The following CD46 variants were observed in gnomAD, a reference collection of about 807,000 sequenced individuals.
CD46 encodes CD46 molecule.
A neutral mutation model predicts 53.3 loss-of-function variants in CD46; 30 were observed. The ratio of observed to expected loss-of-function variants is 0.56; its 90% confidence interval spans 0.42 to 0.76. The LOEUF (loss-of-function observed/expected upper bound fraction) is 0.76. Ranked by LOEUF, CD46 falls within the 30% of genes least tolerant of loss-of-function variation. The pLI, the probability that CD46 is intolerant of heterozygous loss-of-function variation, is 0.00. For synonymous variants in CD46, 142 were observed against 152.0 expected (o/e 0.93, Z 0.48); for missense variants, 409 against 463.0 (o/e 0.88, Z 1.07).
chr1:207,792,394 AAGTAT>A lies in CD46; in HGVS notation c.*42-1120_*42-1116del, dbSNP rs926156900. ...AGTCCTTAGGGAACTGCAATATTAT[AAGTAT>A]AGTAATGACGCAGTAGAGAACCATA... On this transcript the variant is annotated intron_variant, in intron 12 of 12. Transcript: ENST00000367042. Among the ~76,000 whole-genome samples the A allele has an allele frequency of 1.6e-3, 241 of 152,316 alleles. 1 individual carries two copies. Among genetic ancestry groups the A allele is most frequent in the African/African-American group, 5.6e-3 (234 of 41,566 alleles).
At chr1:207,791,827 A>AATATTTT (rs1659825751) in intron 12 of CD46, among the ~76,000 whole-genome samples, 1 of 152,216 alleles carries the variant, frequency 6.6e-6, no homozygotes, top group Admixed American at 6.5e-5. Flanking sequence ...TGCTGTAGTT[A>AATATTTT]ATATTTTGCC....
At chr1:207,760,510 A>G (rs1286818522) in intron 4 of CD46, 1 of 152,276 alleles carries the variant, frequency 6.6e-6, no homozygotes, top group Non-Finnish European at 1.5e-5. Flanking sequence ...CACCGAGTTA[A>G]GCATATTTTC....
At chr1:207,759,566 A>G in intron 3 of CD46, 73 bp from the exon 4 acceptor site, 1 of 833,458 alleles carries the variant, frequency 1.2e-6, no homozygotes, top group Non-Finnish European at 2.0e-6. Flanking sequence ...AAACCATATA[A>G]AAAATTCCTT....
intron 11 of CD46, among the ~76,000 whole-genome samples, chr1:207,786,557 T>C (rs1429096576): frequency 6.6e-6 from 1 of 152,230 alleles, no homozygotes; most frequent in African/African-American, 2.4e-5. Flanking sequence ...CATTCATTTT[T>C]ACTGATTTTT....
chr1:207,777,394 C>T (rs774146724), intron 8 of CD46, among the ~76,000 whole-genome samples: 9 of 152,032 alleles, frequency 5.9e-5, no homozygotes, highest in Non-Finnish European at 7.4e-5. Flanking sequence ...CATAAGTAAA[C>T]GTGTCACAGG....
intron 7 of CD46, chr1:207,769,479 T>C (rs1030745771): frequency 6.6e-6 from 1 of 152,180 alleles, no homozygotes; most frequent in Admixed American, 6.5e-5. Context: ...GTTGATACAG[T>C]CTTTTGAAAG....
Position 207,794,355 on chromosome 1 carries a change from G to A in CD46, c.*878G>A, listed in dbSNP as rs1182527953. The A allele has an allele frequency of 6.6e-6, 1 of 152,258 alleles. No individual in the cohort carries two copies. Among genetic ancestry groups the A allele is most frequent in the Non-Finnish European group, 1.5e-5 (1 of 68,076 alleles). 9.4% of individuals were successfully genotyped at this position (152,258 alleles called of 1,614,324 possible). A position where few individuals can be genotyped will look rare whatever the true frequency, so the allele number is the denominator to read the frequency against. On this transcript the variant is annotated 3_prime_UTR_variant, in exon 13 of 13. Coordinates refer to ENST00000367042, the MANE Select transcript of CD46 (RefSeq NM_172351.3). The stretch of plus-strand genomic sequence containing the variant: ...CAGGAGTGCCACTTCATGGTGCGAA[G>A]TGAACACTGTAGTCTTGTTGTTTTC...
At chr1:207,782,849 G>A (rs1571676731) in intron 8 of CD46, among the ~76,000 whole-genome samples, 1 of 148,802 alleles carries the variant, frequency 6.7e-6, no homozygotes, top group South Asian at 2.1e-4. Context: ...GAGACGGGGT[G>A]TCACCATGTT....
chr1:207,767,277 A>ACTGT, intron 6 of CD46, 82 bp downstream of exon 6: 2 of 1,182,242 alleles, frequency 1.7e-6, no homozygotes, highest in Non-Finnish European at 2.5e-6. Context: ...GATATTAACT[A>ACTGT]TCAGTCATAC....
At position 207,761,316 on chromosome 1, in the gene CD46, T is replaced by G; in HGVS notation, c.543T>G (p.Phe181Leu). The G allele has an allele frequency of 6.2e-7, 1 of 1,613,318 alleles. No homozygotes were observed. The highest frequency in any genetic ancestry group is 8.5e-7 in the Non-Finnish European group (1 of 1,179,240). ...ACACCTTTAGTGAAGTAGAAGTATT[T>G]GAGTATCTTGATGCAGTAACTTATA... ...GKHTFSEVEV[F>L]EYLDAVTYSC... Residue 181 changes from phenylalanine to leucine, a missense_variant, in exon 5 of 13, where the codon TTT becomes TTG. Phe to Leu is a conservative substitution (Grantham distance 22). Coordinates refer to ENST00000367042, the MANE Select transcript of CD46 (RefSeq NM_172351.3).
chr1:207,792,057 C>T (rs953953984), intron 12 of CD46, among the ~76,000 whole-genome samples: 44 of 152,188 alleles, frequency 2.9e-4, no homozygotes, highest in Middle Eastern at 3.4e-3. Flanking sequence ...CCGAGGCGGG[C>T]GGATCACTTA....
intron 12 of CD46, among the ~76,000 whole-genome samples, chr1:207,791,438 G>A (rs572484424): frequency 6.6e-6 from 1 of 152,336 alleles, no homozygotes; most frequent in East Asian, 1.9e-4. Context: ...CACAGGTACT[G>A]TGATACCGTG....
chr1:207,777,514 G>T (rs1347434779), intron 8 of CD46, among the ~76,000 whole-genome samples: 1 of 152,080 alleles, frequency 6.6e-6, no homozygotes, highest in African/African-American at 2.4e-5. Context: ...GTATACCCCA[G>T]TGTCTGTTGT....
chr1:207,791,333 CAATAACT>C (rs1394916920), intron 12 of CD46, among the ~76,000 whole-genome samples: 1 of 152,178 alleles, frequency 6.6e-6, no homozygotes, highest in African/African-American at 2.4e-5. Flanking sequence ...AGATTAACAG[CAATAACT>C]AATAACTAAT....
At position 207,752,556 on chromosome 1, in the gene CD46, TA is replaced by T. The variant is rs1226852524; in HGVS notation, c.97+254del. 6.6e-6 allele frequency among the ~76,000 whole-genome samples: 1 copy of T among 152,140 alleles called. No individual in the cohort carries two copies. The highest frequency in any genetic ancestry group is 1.9e-4 in the East Asian group (1 of 5,184). On this transcript the variant is annotated intron_variant, in intron 1 of 12. Transcript: ENST00000367042. This position sits in a 1 kb window ranked among gnomAD's most constrained non-coding sequence, Gnocchi z 4.1. Reference sequence around the variant, plus strand: ...TTTACGCAGGATCTGGCTGCGTCCCTAAAAAAAGCGTGAATCGTGTTTTCGG... The same window carrying T: ...TTTACGCAGGATCTGGCTGCGTCCCTAAAAAAGCGTGAATCGTGTTTTCGG...
intron 1 of CD46, among the ~76,000 whole-genome samples, chr1:207,753,444 G>T (rs922497135): frequency 2.6e-5 from 4 of 152,222 alleles, no homozygotes; most frequent in African/African-American, 9.6e-5. Context: ...CCCAGGCGGG[G>T]TGATTGCCTG....
chr1:207,776,080 C>T (rs1241063206), intron 8 of CD46, among the ~76,000 whole-genome samples: 1 of 152,246 alleles, frequency 6.6e-6, no homozygotes, highest in Non-Finnish European at 1.5e-5. Context: ...TCAGCAATGG[C>T]AGACATTCCT....
chr1:207,789,873 A>G (rs976071050), intron 11 of CD46, among the ~76,000 whole-genome samples: 3 of 146,188 alleles, frequency 2.1e-5, no homozygotes, highest in Non-Finnish European at 3.0e-5. Context: ...GTGTCTTGAA[A>G]AAAAAAAAAA....
intron 7 of CD46, 96 bp from the exon 8 acceptor site, chr1:207,770,220 TTTTCA>T (rs1657339546): frequency 2.3e-6 from 2 of 866,842 alleles, no homozygotes; most frequent in African/African-American, 3.4e-5. Flanking sequence ...AAGTGTGTAG[TTTTCA>T]TTTGATAAAC....
Sources: gnomAD v4.1 joint callset for allele counts (sites outside exome capture counted in the v4.1 genomes callset) on GRCh38, gnomAD v4.1.1 for gene constraint, Gnocchi (gnomAD v3.1) non-coding constraint, MANE v1.5 for transcripts, NCBI Gene and HGNC (gene_info 2026-07-23, HGNC 2026-07-21) for gene names.